SLCO3A1: variants seen among roughly 807,000 people sequenced by gnomAD.
The protein encoded by SLCO3A1 is solute carrier organic anion transporter family member 3A1.
SLCO3A1 carries 27 observed loss-of-function variants against 63.1 expected under a neutral mutation model. The observed-to-expected ratio is 0.43, with a 90% CI of 0.32 to 0.59. The LOEUF (loss-of-function observed/expected upper bound fraction) is 0.59. SLCO3A1 is among the 20% of genes least tolerant of loss of function. The probability of loss-of-function intolerance (pLI) is 0.09; values close to 1 mark genes in which losing one functional copy is unlikely to be tolerated. For synonymous variants in SLCO3A1, 473 were observed against 409.9 expected, an observed-to-expected ratio of 1.15 and a Z score of -1.86; for missense variants, 773 against 945.8, an observed-to-expected ratio of 0.82 and a Z score of 2.40.
chr15:91,989,586 G>A (rs749534982), intron 2 of SLCO3A1, among the ~76,000 whole-genome samples: 1 of 152,208 alleles, frequency 6.6e-6, no homozygotes, highest in African/African-American at 2.4e-5. Flanking sequence ...GAGTTGCAGA[G>A]TCATGGTACA....
intron 2 of SLCO3A1, among the ~76,000 whole-genome samples, chr15:92,050,126 C>T (rs1222435247): frequency 6.6e-6 from 1 of 152,220 alleles, no homozygotes; most frequent in Non-Finnish European, 1.5e-5. Flanking sequence ...CTGTCACAAA[C>T]AAATAAGCAT....
In SLCO3A1 at chr15:92,099,503, G is replaced by T. The variant is rs1254037289; in HGVS notation, c.745+4524G>T. 2.6e-5 allele frequency among the ~76,000 whole-genome samples: 4 copies of T among 152,032 alleles called. No homozygotes were observed. The South Asian group carries it at 6.2e-4, about 24-fold the overall frequency. The stretch of plus-strand genomic sequence containing the variant: ...AAAAAGAAGTAAATGTCCCCAACTT[G>T]CTTTGATCTCCTCTTCTCACAATCT... On this transcript the variant is annotated intron_variant, in intron 3 of 9. Transcript: ENST00000318445.
intron 1 of SLCO3A1, among the ~76,000 whole-genome samples, chr15:91,879,228 G>A (rs1224084100): frequency 1.3e-5 from 2 of 151,936 alleles, no homozygotes; most frequent in African/African-American, 4.8e-5. Flanking sequence ...CCCTGAGTGG[G>A]TGCCTATAAA....
In SLCO3A1 at chr15:92,054,102, T is replaced by C. The variant is rs565362993; in HGVS notation, c.647-40779T>C. Among the ~76,000 whole-genome samples, 7 of 152,354 alleles carry C rather than the reference T, an allele frequency of 4.6e-5. No homozygotes were observed. The South Asian group carries it at 1.4e-3, about 32-fold the overall frequency. Reference sequence around the variant, plus strand: ...ATTTTGATTTACAATCCAGTACTGCTATGTTTTGTTCCTCAAGGCATTCCA... The same window carrying C: ...ATTTTGATTTACAATCCAGTACTGCCATGTTTTGTTCCTCAAGGCATTCCA... On this transcript the variant is annotated intron_variant, in intron 2 of 9. Coordinates refer to ENST00000318445, the MANE Select transcript of SLCO3A1 (RefSeq NM_013272.4).
At chr15:91,884,018 A>T (rs1484817268) in intron 1 of SLCO3A1, among the ~76,000 whole-genome samples, 1 of 152,252 alleles carries the variant, frequency 6.6e-6, no homozygotes, top group African/African-American at 2.4e-5. Context: ...AATGATCAAA[A>T]TAATGATAAT....
chr15:92,043,399 C>T (rs1353442968), intron 2 of SLCO3A1, among the ~76,000 whole-genome samples: 2 of 152,238 alleles, frequency 1.3e-5, no homozygotes, highest in East Asian at 3.8e-4. Context: ...GGTGCTCTTG[C>T]TCTGCCTGTA....
chr15:91,871,778 T>TTTTTTTTTGTTTTTTTTTTTTTC (rs1897287713), intron 1 of SLCO3A1, among the ~76,000 whole-genome samples: 1 of 147,978 alleles, frequency 6.8e-6, no homozygotes, highest in African/African-American at 2.5e-5. Context: ...TTTTTTTTTT[T>TTTTTTTTTGTTTTTTTTTTTTTC]TTTTTTTGGC....
At chr15:92,088,882 G>A (rs930477953) in intron 2 of SLCO3A1, among the ~76,000 whole-genome samples, 1 of 152,024 alleles carries the variant, frequency 6.6e-6, no homozygotes, top group East Asian at 1.9e-4. Flanking sequence ...AATTCCTCTT[G>A]GTCGCTTAAG....
At chr15:91,909,647 G>A (rs1160124520) in intron 1 of SLCO3A1, among the ~76,000 whole-genome samples, 1 of 152,196 alleles carries the variant, frequency 6.6e-6, no homozygotes, top group Non-Finnish European at 1.5e-5. Flanking sequence ...CCACTACTCA[G>A]CAGAAGGACT....
chr15:92,167,991 T>C (rs905643957), downstream of SLCO3A1, among the ~76,000 whole-genome samples: 1 of 152,252 alleles, frequency 6.6e-6, no homozygotes, highest in African/African-American at 2.4e-5. Flanking sequence ...TCAAAACATG[T>C]ATTTTTTCAT....
chr15:91,925,967 G>A (rs1320997236), intron 2 of SLCO3A1, among the ~76,000 whole-genome samples: 1 of 152,194 alleles, frequency 6.6e-6, no homozygotes, highest in Non-Finnish European at 1.5e-5. Flanking sequence ...TCATGTCATA[G>A]GAGTTGGTCT....
At chr15:91,895,146 C>A (rs554251358) in intron 1 of SLCO3A1, among the ~76,000 whole-genome samples, 1 of 152,208 alleles carries the variant, frequency 6.6e-6, no homozygotes. Context: ...GAAAAAGAAG[C>A]CTTTAAAGCA....
At chr15:91,930,452 T>C (rs1253170006) in intron 2 of SLCO3A1, among the ~76,000 whole-genome samples, 1 of 152,202 alleles carries the variant, frequency 6.6e-6, no homozygotes, top group Admixed American at 6.5e-5. Context: ...TTTAATTTTA[T>C]TTTGTTACAT....
intron 2 of SLCO3A1, among the ~76,000 whole-genome samples, chr15:91,965,890 A>G (rs1235532715): frequency 6.6e-6 from 1 of 152,168 alleles, no homozygotes; most frequent in Non-Finnish European, 1.5e-5. Flanking sequence ...GAGGACATTG[A>G]TTCCAGCTCC....
intron 2 of SLCO3A1, among the ~76,000 whole-genome samples, chr15:92,072,831 T>C (rs2047232358): frequency 6.6e-6 from 1 of 152,218 alleles, no homozygotes; most frequent in Non-Finnish European, 1.5e-5. Flanking sequence ...TGATCTCATC[T>C]CAAGATCCTT....
At chr15:92,111,677 A>T (rs929348863) in intron 4 of SLCO3A1, among the ~76,000 whole-genome samples, 10 of 152,180 alleles carry the variant, frequency 6.6e-5, no homozygotes, top group African/African-American at 2.4e-4. Flanking sequence ...CTACAGCTGC[A>T]CTTCTCAAGT....
Position 91,951,711 on chromosome 15 carries a change from C to T in SLCO3A1, c.646+35253C>T, listed in dbSNP as rs540982153. 3.3e-5 allele frequency among the ~76,000 whole-genome samples: 5 copies of T among 152,058 alleles called. No homozygotes were observed. The Middle Eastern group carries it at 0.01, about 310-fold the overall frequency. On this transcript the variant is annotated intron_variant, in intron 2 of 9. Coordinates refer to ENST00000318445, the MANE Select transcript of SLCO3A1 (RefSeq NM_013272.4). Reference sequence around the variant, plus strand: ...GTAGGGATTAAGGCCTGCACCACCACGCCTGGCTTATTTTTGTGTTTTTAG... The same window carrying T: ...GTAGGGATTAAGGCCTGCACCACCATGCCTGGCTTATTTTTGTGTTTTTAG...
chr15:92,066,488 C>A (rs2047153496), intron 2 of SLCO3A1, among the ~76,000 whole-genome samples: 1 of 152,216 alleles, frequency 6.6e-6, no homozygotes, highest in South Asian at 2.1e-4. Context: ...CTGAGAAATG[C>A]AAAACCTGAA....
intron 2 of SLCO3A1, among the ~76,000 whole-genome samples, chr15:92,091,862 C>T (rs1178761752): frequency 6.6e-6 from 1 of 152,226 alleles, no homozygotes; most frequent in Non-Finnish European, 1.5e-5. Flanking sequence ...TCAGCTGAAA[C>T]CCAGATGAGA....
Sources: gnomAD v4.1 joint callset for allele counts (sites outside exome capture counted in the v4.1 genomes callset) on GRCh38, gnomAD v4.1.1 for gene constraint, MANE v1.5 for transcripts, NCBI Gene and HGNC (gene_info 2026-07-23, HGNC 2026-07-21) for gene names.